The following ADGRV1 variants were observed in gnomAD, a reference collection of about 807,000 sequenced individuals.
ADGRV1 encodes the protein G-protein coupled receptor 98.
A neutral mutation model predicts 596.2 loss-of-function variants in ADGRV1; 359 were observed. The ratio of observed to expected loss-of-function variants is 0.60; its 90% CI spans 0.55 to 0.66. ADGRV1 has a LOEUF of 0.66. Ranked by LOEUF, ADGRV1 falls within the 30% of genes least tolerant of loss-of-function variation. The pLI is 0.00. For synonymous variants in ADGRV1, 2,681 were observed against 2,679.2 expected, an observed-to-expected ratio of 1.00 and a Z score of -0.02; for missense variants, 7,274 against 7,575.6, an observed-to-expected ratio of 0.96 and a Z score of 1.48.
At chr5:90,725,687 T>C in intron 48 of ADGRV1, 31 bp downstream of exon 48, 3 of 1,143,058 alleles carry the variant, frequency 2.6e-6, no homozygotes, top group Non-Finnish European at 3.9e-6. Flanking sequence ...AGTGGGTTTT[T>C]TTTTGCTTTT....
chr5:90,973,066 A>G (rs1282040636), intron 84 of ADGRV1, among the ~76,000 whole-genome samples: 2 of 152,262 alleles, frequency 1.3e-5, no homozygotes, highest in African/African-American at 4.8e-5. Flanking sequence ...AGAGAATACT[A>G]TAAACACCTC....
At chr5:90,962,404 G>A (rs1375102690) in intron 83 of ADGRV1, among the ~76,000 whole-genome samples, 1 of 152,152 alleles carries the variant, frequency 6.6e-6, no homozygotes, top group Non-Finnish European at 1.5e-5. Context: ...TCAACTTAAT[G>A]CTTTCAGAGA....
intron 76 of ADGRV1, among the ~76,000 whole-genome samples, chr5:90,825,094 G>T (rs947947889): frequency 6.6e-6 from 1 of 151,982 alleles, no homozygotes; most frequent in Non-Finnish European, 1.5e-5. Flanking sequence ...ACACCACCAT[G>T]CCCAACTAAT....
At chr5:90,659,700 A>G (rs1269150313) in intron 21 of ADGRV1, among the ~76,000 whole-genome samples, 6 of 152,032 alleles carry the variant, frequency 3.9e-5, no homozygotes, top group Non-Finnish European at 4.4e-5. Context: ...ACATGTATAT[A>G]TAAGGCTGGA....
At chr5:90,940,081 C>G (rs992047359) in intron 83 of ADGRV1, among the ~76,000 whole-genome samples, 1 of 152,166 alleles carries the variant, frequency 6.6e-6, no homozygotes, top group Non-Finnish European at 1.5e-5. Context: ...GACTTGTTTT[C>G]TTCTGAAGAA....
chr5:91,019,020 C>A (rs1783410788), intron 85 of ADGRV1, among the ~76,000 whole-genome samples: 1 of 151,898 alleles, frequency 6.6e-6, no homozygotes, highest in Non-Finnish European at 1.5e-5. Flanking sequence ...GCCTACCAGT[C>A]CAGAAGAAAG....
At chr5:90,951,345 G>T (rs916059865) in intron 83 of ADGRV1, among the ~76,000 whole-genome samples, 3 of 152,170 alleles carry the variant, frequency 2.0e-5, no homozygotes, top group Admixed American at 1.3e-4. Context: ...ATTTATTGAG[G>T]AAAGAGTGAA....
chr5:90,992,355 T>G (rs914066896), intron 85 of ADGRV1, among the ~76,000 whole-genome samples: 30 of 152,348 alleles, frequency 2.0e-4, no homozygotes, highest in African/African-American at 7.0e-4. Context: ...TTTACATTAT[T>G]ATCACTCCAA....
At chr5:90,612,502 T>TA (rs2152045121) in intron 1 of ADGRV1, among the ~76,000 whole-genome samples, 1 of 152,172 alleles carries the variant, frequency 6.6e-6, no homozygotes, top group Non-Finnish European at 1.5e-5. Context: ...AAAGCCTACA[T>TA]AGCCACTTAA....
At chr5:90,976,580 T>G (rs1779636013) in intron 84 of ADGRV1, among the ~76,000 whole-genome samples, 1 of 152,064 alleles carries the variant, frequency 6.6e-6, no homozygotes, top group Admixed American at 6.6e-5. Context: ...TTCCTAGGAA[T>G]TATGCCTTTG....
At chr5:90,618,712 C>T (rs916738564) in intron 3 of ADGRV1, among the ~76,000 whole-genome samples, 3 of 151,972 alleles carry the variant, frequency 2.0e-5, no homozygotes, top group African/African-American at 7.2e-5. Context: ...CCAGTACCTT[C>T]AATAGCATAG....
intron 87 of ADGRV1, among the ~76,000 whole-genome samples, chr5:91,148,890 T>C (rs1192008188): frequency 6.6e-6 from 1 of 152,226 alleles, no homozygotes; most frequent in African/African-American, 2.4e-5. Flanking sequence ...GGATGTAAGA[T>C]ATAGAGTCAA....
rs778971176 is a variant in ADGRV1 at position 90,637,753 on chromosome 5, C to G, written c.2045C>G (p.Thr682Ser). The change falls in exon 11 of 90, where the codon ACT becomes AGT. Residue 682 changes from threonine to serine, a missense_variant. Physicochemically the swap from Thr to Ser is moderately conservative, Grantham distance 58. Coordinates refer to ENST00000405460, the MANE Select transcript of ADGRV1 (RefSeq NM_032119.4). ...VVYIPLHRDGTDGQATVYWSL... is the reference protein window; with the variant it reads ...VVYIPLHRDGSDGQATVYWSL... ...TACATTCCCTTACATCGGGATGGAA[C>G]TGATGGCCAGGCTACTGTCTACTGG... 1 of 1,612,878 alleles carries G rather than the reference C, an allele frequency of 6.2e-7. No individual in the cohort carries two copies. Among genetic ancestry groups the G allele is most frequent in the Non-Finnish European group, 8.5e-7 (1 of 1,179,452 alleles).
intron 87 of ADGRV1, among the ~76,000 whole-genome samples, chr5:91,142,337 T>C (rs1795164791): frequency 6.6e-6 from 1 of 152,216 alleles, no homozygotes; most frequent in Admixed American, 6.5e-5. Context: ...AGGTTACAGC[T>C]TAAAGGAAGG....
At chr5:91,110,070 A>G (rs944283829) in intron 87 of ADGRV1, among the ~76,000 whole-genome samples, 13 of 152,228 alleles carry the variant, frequency 8.5e-5, no homozygotes, top group Non-Finnish European at 1.8e-4. Flanking sequence ...CAAGAAATTC[A>G]TAAGAAACTA....
intron 87 of ADGRV1, among the ~76,000 whole-genome samples, chr5:91,130,626 C>G (rs1231766638): frequency 6.6e-6 from 1 of 151,340 alleles, no homozygotes; most frequent in South Asian, 2.1e-4. Context: ...ATGACAGACT[C>G]TTTTCATTTT....
At chr5:90,740,814 A>G (rs1184557817) in intron 50 of ADGRV1, among the ~76,000 whole-genome samples, 1 of 152,140 alleles carries the variant, frequency 6.6e-6, no homozygotes, top group East Asian at 1.9e-4. Flanking sequence ...TTCCCTCTGT[A>G]AAAACCCACA....
intron 59 of ADGRV1, among the ~76,000 whole-genome samples, chr5:90,772,880 A>G (rs1238637984): frequency 6.6e-6 from 1 of 152,170 alleles, no homozygotes; most frequent in East Asian, 1.9e-4. Context: ...AAAATAATAC[A>G]TTGAGTCTGA....
At chr5:90,588,836 T>C (rs975843878) in intron 1 of ADGRV1, among the ~76,000 whole-genome samples, 1 of 152,184 alleles carries the variant, frequency 6.6e-6, no homozygotes, top group African/African-American at 2.4e-5. Flanking sequence ...ACTCTGATAA[T>C]GGGAAAGTGA....
Sources: allele counts gnomAD v4.1 joint callset (sites outside exome capture counted in the v4.1 genomes callset), GRCh38; gene constraint gnomAD v4.1.1; transcripts MANE v1.5; gene names NCBI Gene and HGNC (gene_info 2026-07-23, HGNC 2026-07-21).